ANKRD30B: variants seen among roughly 807,000 people sequenced by gnomAD.
ANKRD30B encodes ankyrin repeat domain 30B, also known as ankyrin repeat domain-containing protein 30B.
In ANKRD30B, 144 loss-of-function variants were observed where a neutral mutation model predicts 202.2. The ratio of observed to expected loss-of-function variants is 0.71; its 90% CI spans 0.62 to 0.82. The LOEUF is 0.82. Among genes scored for constraint, ANKRD30B ranks in the 40% least tolerant of loss-of-function variants. ANKRD30B has a pLI of 0.00. For synonymous variants in ANKRD30B, 508 were observed against 561.3 expected, an observed-to-expected ratio of 0.91 and a Z score of 1.34; for missense variants, 1,487 against 1,669.1, an observed-to-expected ratio of 0.89 and a Z score of 1.90.
chr18:14,926,947 G>A, the ANKRD30B span, among the ~76,000 whole-genome samples: 8 of 151,440 alleles, frequency 5.3e-5, no homozygotes, highest in African/African-American at 2.0e-4. Flanking sequence ...GTGTGTGTGT[G>A]TATGTGTGTG....
the ANKRD30B span, among the ~76,000 whole-genome samples, chr18:14,893,905 C>G: frequency 6.6e-6 from 1 of 150,400 alleles, no homozygotes; most frequent in Non-Finnish European, 1.5e-5. Flanking sequence ...TACATAGATG[C>G]ATCAAATTGT....
At chr18:14,869,082 G>A in the ANKRD30B span, among the ~76,000 whole-genome samples, 1 of 152,198 alleles carries the variant, frequency 6.6e-6, no homozygotes, top group Non-Finnish European at 1.5e-5. Flanking sequence ...CTTATTGTTA[G>A]CAAATTTCTG....
intron 24 of ANKRD30B, among the ~76,000 whole-genome samples, chr18:14,804,747 G>A (rs1183560231): frequency 6.6e-6 from 1 of 150,868 alleles, no homozygotes; most frequent in Non-Finnish European, 1.5e-5. Flanking sequence ...GTAGATGGAA[G>A]ATACTACTTC....
chr18:14,772,250 T>C (rs1487505763), intron 9 of ANKRD30B, 22 bp downstream of exon 9: 1 of 1,439,748 alleles, frequency 6.9e-7, no homozygotes, highest in East Asian at 2.5e-5. Context: ...TTTTGTGAAG[T>C]TGATTTTCTC....
chr18:14,924,443 G>T, the ANKRD30B span, among the ~76,000 whole-genome samples: 2 of 152,160 alleles, frequency 1.3e-5, no homozygotes, highest in African/African-American at 4.8e-5. Flanking sequence ...AAATAAGCAC[G>T]TGCTCCATGC....
At chr18:14,785,601 GC>G (rs1968029012) in intron 14 of ANKRD30B, among the ~76,000 whole-genome samples, 1 of 152,232 alleles carries the variant, frequency 6.6e-6, no homozygotes, top group South Asian at 2.1e-4. Context: ...TTTGAACTGT[GC>G]CCCACAGCTT....
chr18:14,771,020 C>T lies in ANKRD30B; in HGVS notation c.1257-1136C>T, dbSNP rs963097141. ...TTTCCCAAGCCTCAGATGTCCTACC[C>T]ATGTACATATAAAGCAGGGGTAAGA... On this transcript the variant is annotated intron_variant, in intron 8 of 43. Transcript: ENST00000690538. Among the ~76,000 whole-genome samples, 3 of 152,276 alleles carry T rather than the reference C, an allele frequency of 2.0e-5. No individual in the cohort carries two copies. In the East Asian group the frequency reaches 5.8e-4, roughly 29 times the overall value.
At chr18:14,824,363 G>T (rs1341354811) in intron 32 of ANKRD30B, among the ~76,000 whole-genome samples, 1 of 152,150 alleles carries the variant, frequency 6.6e-6, no homozygotes, top group Non-Finnish European at 1.5e-5. Flanking sequence ...TTAAATATTT[G>T]TGTTTTTGGA....
At chr18:14,768,964 G>A (rs576189005) in intron 7 of ANKRD30B, among the ~76,000 whole-genome samples, 1 of 152,194 alleles carries the variant, frequency 6.6e-6, no homozygotes, top group Non-Finnish European at 1.5e-5. Context: ...GAGGGGAAAA[G>A]TGTTCTTAAT....
At chr18:14,850,151 G>T (rs1196336791) in intron 40 of ANKRD30B, 63 bp from the exon 41 acceptor site, 2 of 1,106,504 alleles carry the variant, frequency 1.8e-6, no homozygotes, top group South Asian at 1.9e-5. Context: ...GGAAGAAGTA[G>T]ATCTCAAAGT....
the ANKRD30B span, chr18:14,905,595 T>C: frequency 2.0e-5 from 3 of 152,308 alleles, no homozygotes; most frequent in East Asian, 5.8e-4. Context: ...ATGGTCAATG[T>C]CTCTTTTCAG....
the ANKRD30B span, among the ~76,000 whole-genome samples, chr18:14,890,956 A>G: frequency 0.016 from 2,445 of 152,236 alleles, 80 homozygotes; most frequent in African/African-American, 0.057. Flanking sequence ...TATTACATAT[A>G]TCTTCCTTAA....
At chr18:14,853,741 A>T (rs150652851) in intron 42 of ANKRD30B, among the ~76,000 whole-genome samples, 68 bp from the exon 43 acceptor site, 2,471 of 152,296 alleles carry the variant, frequency 0.016, 35 homozygotes, top group Non-Finnish European at 0.022. Context: ...ATATTTGGGG[A>T]TCTTTTTGAA....
At chr18:14,935,332 G>C in the ANKRD30B span, among the ~76,000 whole-genome samples, 3 of 152,326 alleles carry the variant, frequency 2.0e-5, no homozygotes, top group East Asian at 5.8e-4. Context: ...TCACAACCAA[G>C]TTAACCTGGA....
chr18:14,864,235 T>C, the ANKRD30B span, among the ~76,000 whole-genome samples: 1 of 151,940 alleles, frequency 6.6e-6, no homozygotes, highest in Non-Finnish European at 1.5e-5. Flanking sequence ...CTCAGGAGGC[T>C]GAGTCAAAAG....
intron 4 of ANKRD30B, among the ~76,000 whole-genome samples, chr18:14,756,432 G>T (rs934843503): frequency 1.3e-4 from 20 of 152,162 alleles, no homozygotes; most frequent in African/African-American, 3.1e-4. Flanking sequence ...GTCAATTTTG[G>T]CTTTTGTTGC....
intron 36 of ANKRD30B, among the ~76,000 whole-genome samples, chr18:14,840,349 C>A (rs1376118982): frequency 6.6e-6 from 1 of 152,026 alleles, no homozygotes; most frequent in Non-Finnish European, 1.5e-5. Context: ...ACCAGCCTAG[C>A]CAACATGGTG....
chr18:14,925,825 G>A, the ANKRD30B span, among the ~76,000 whole-genome samples: 6 of 152,178 alleles, frequency 3.9e-5, no homozygotes, highest in Admixed American at 6.5e-5. Context: ...GGGAGAGATT[G>A]AAGAGGAGCC....
intron 9 of ANKRD30B, among the ~76,000 whole-genome samples, chr18:14,772,849 G>A (rs1279831306): frequency 1.3e-5 from 2 of 151,880 alleles, no homozygotes; most frequent in East Asian, 3.9e-4. Context: ...GGGCATGGTG[G>A]TGCATGCCTG....
Sources: gnomAD v4.1 joint callset for allele counts (sites outside exome capture counted in the v4.1 genomes callset) on GRCh38, gnomAD v4.1.1 for gene constraint, MANE v1.5 for transcripts, NCBI Gene and HGNC (gene_info 2026-07-23, HGNC 2026-07-21) for gene names.